Variants in APBB1IP observed in about 807,000 individuals in gnomAD.
APBB1IP encodes amyloid beta precursor protein binding family B member 1 interacting protein, also known as amyloid beta A4 precursor protein-binding family B member 1-interacting protein.
In APBB1IP, 27 loss-of-function variants were observed where a neutral mutation model predicts 64.9. That is an observed-to-expected ratio of 0.42 (90% CI 0.31 to 0.57). The LOEUF (loss-of-function observed/expected upper bound fraction) is 0.57, where lower values mean the gene tolerates loss of function less well. Ranked by LOEUF, APBB1IP falls within the 20% of genes least tolerant of loss-of-function variation. The pLI is 0.20. For missense variants in APBB1IP, 812 were observed against 845.5 expected (o/e 0.96, Z 0.49); for synonymous variants, 392 against 331.0 (o/e 1.18, Z -2.00).
At chr10:26,561,100 G>A (rs1279972375) in intron 13 of APBB1IP, among the ~76,000 whole-genome samples, 1 of 97,972 alleles carries the variant, frequency 1.0e-5, no homozygotes, top group African/African-American at 4.1e-5. Flanking sequence ...AGACTCTCTC[G>A]CACTGTTGCC....
At chr10:26,530,897 C>T (rs1223581430) in intron 8 of APBB1IP, among the ~76,000 whole-genome samples, 2 of 152,012 alleles carry the variant, frequency 1.3e-5, no homozygotes, top group African/African-American at 2.4e-5. Context: ...TATGGCTAGT[C>T]GTGGTCTTCA....
At chr10:26,442,078 A>G (rs1228596824) in intron 2 of APBB1IP, among the ~76,000 whole-genome samples, 3 of 152,188 alleles carry the variant, frequency 2.0e-5, no homozygotes, top group Non-Finnish European at 4.4e-5. Flanking sequence ...TTTATAGTCT[A>G]GAAGAGGAGA....
At chr10:26,521,219 G>A (rs1416965170) in intron 8 of APBB1IP, among the ~76,000 whole-genome samples, 2 of 152,168 alleles carry the variant, frequency 1.3e-5, no homozygotes, top group Non-Finnish European at 2.9e-5. Context: ...GATTTGGTGA[G>A]GGTGCAAGAC....
chr10:26,451,178 T>A (rs1237902639), intron 2 of APBB1IP, among the ~76,000 whole-genome samples: 1 of 152,218 alleles, frequency 6.6e-6, no homozygotes, highest in Non-Finnish European at 1.5e-5. Context: ...TAAATCTTTA[T>A]CATATGAAAT....
At chr10:26,530,229 T>TTTC (rs1554778618) in intron 8 of APBB1IP, among the ~76,000 whole-genome samples, 1 of 49,792 alleles carries the variant, frequency 2.0e-5, no homozygotes, top group African/African-American at 6.1e-5. Flanking sequence ...TTTCTTTTTC[T>TTTC]TTTTTTTTTT....
chr10:26,517,118 A>G (rs968864144), intron 8 of APBB1IP, among the ~76,000 whole-genome samples: 2 of 152,322 alleles, frequency 1.3e-5, no homozygotes, highest in African/African-American at 2.4e-5. Context: ...AATGTTTTCA[A>G]CTAGAAGTAA....
intron 13 of APBB1IP, among the ~76,000 whole-genome samples, chr10:26,561,459 C>T (rs1179881984): frequency 2.0e-5 from 3 of 147,264 alleles, no homozygotes; most frequent in African/African-American, 2.5e-5. Context: ...CTATTTTAAG[C>T]GCCTTTTAAC....
intron 2 of APBB1IP, among the ~76,000 whole-genome samples, chr10:26,440,215 T>C (rs1330764994): frequency 6.6e-6 from 1 of 152,182 alleles, no homozygotes; most frequent in Admixed American, 6.5e-5. Flanking sequence ...ATGATATTGA[T>C]TAACTTGCAT....
At chr10:26,536,679 C>T (rs764425253) in intron 10 of APBB1IP, among the ~76,000 whole-genome samples, 3 of 151,374 alleles carry the variant, frequency 2.0e-5, no homozygotes, top group Non-Finnish European at 1.5e-5. Context: ...GCAACCTCCA[C>T]CTCCCAGGCT....
At chr10:26,562,140 T>G in intron 13 of APBB1IP, 186 bp from the exon 14 acceptor site, 1 of 509,194 alleles carries the variant, frequency 2.0e-6, no homozygotes, top group Non-Finnish European at 3.6e-6. Flanking sequence ...TAAGGTTTTG[T>G]GTACCATGCC....
intron 2 of APBB1IP, among the ~76,000 whole-genome samples, chr10:26,476,446 CAAAAAAAA>C (rs58548133): frequency 1.3e-5 from 1 of 78,268 alleles, no homozygotes; most frequent in Admixed American, 1.6e-4. Context: ...GACCCTGTCT[CAAAAAAAA>C]AAAAAAAAAA....
chr10:26,557,482 G>C (rs969021488), intron 11 of APBB1IP, among the ~76,000 whole-genome samples: 1 of 152,220 alleles, frequency 6.6e-6, no homozygotes, highest in Non-Finnish European at 1.5e-5. Context: ...TCAGTTGCCT[G>C]AAAAGACCAA....
At chr10:26,523,957 C>T (rs1836437894) in intron 8 of APBB1IP, among the ~76,000 whole-genome samples, 1 of 152,062 alleles carries the variant, frequency 6.6e-6, no homozygotes, top group Non-Finnish European at 1.5e-5. Flanking sequence ...TTTATGTCAT[C>T]ATTTCTCATC....
intron 9 of APBB1IP, among the ~76,000 whole-genome samples, chr10:26,535,780 G>T (rs893101783): frequency 6.6e-6 from 1 of 152,078 alleles, no homozygotes; most frequent in Admixed American, 6.5e-5. Context: ...ATGAAGTTGG[G>T]CTATTATTAT....
chr10:26,477,316 T>C (rs1835787531), intron 2 of APBB1IP, among the ~76,000 whole-genome samples: 1 of 152,222 alleles, frequency 6.6e-6, no homozygotes. Context: ...CACCAGATTT[T>C]CTCAATTAAA....
At chr10:26,537,926 T>A in intron 10 of APBB1IP, among the ~76,000 whole-genome samples, 2 of 109,126 alleles carry the variant, frequency 1.8e-5, no homozygotes, top group African/African-American at 7.3e-5. Flanking sequence ...AGAGCAAGAC[T>A]AGGTCTCAAA....
intron 14 of APBB1IP, among the ~76,000 whole-genome samples, chr10:26,566,077 A>G (rs563652759): frequency 6.6e-6 from 1 of 152,366 alleles, no homozygotes; most frequent in Admixed American, 6.5e-5. Flanking sequence ...ACAAAAATGA[A>G]GTAAGTTACA....
chr10:26,472,258 A>G (rs112422537), intron 2 of APBB1IP, among the ~76,000 whole-genome samples: 133 of 152,302 alleles, frequency 8.7e-4, no homozygotes, highest in African/African-American at 3.2e-3. Context: ...CAAGCTACAC[A>G]TTTTCAACAA....
intron 2 of APBB1IP, among the ~76,000 whole-genome samples, chr10:26,467,941 A>G (rs1217058217): frequency 6.6e-6 from 1 of 152,216 alleles, no homozygotes; most frequent in Non-Finnish European, 1.5e-5. Context: ...ACAATGATAG[A>G]AACTACAACC....
Sources: allele counts gnomAD v4.1 joint callset (sites outside exome capture counted in the v4.1 genomes callset), GRCh38; gene constraint gnomAD v4.1.1; transcripts MANE v1.5; gene names NCBI Gene and HGNC (gene_info 2026-07-23, HGNC 2026-07-21).